Variants in OSBPL6 observed in about 807,000 individuals in gnomAD.
The protein encoded by OSBPL6 is oxysterol-binding protein-related protein 6.
In OSBPL6, 49 loss-of-function variants were observed where a neutral mutation model predicts 125.8. The ratio of observed to expected loss-of-function variants is 0.39; its 90% CI spans 0.31 to 0.49. The LOEUF is 0.49. OSBPL6 is among the 20% of genes least tolerant of loss of function. The pLI, the probability that OSBPL6 is intolerant of heterozygous loss-of-function variation, is 0.88. For synonymous variants in OSBPL6, 394 were observed against 391.8 expected (o/e 1.01, Z -0.07); for missense variants, 986 against 1,135.4 (o/e 0.87, Z 1.89).
intron 1 of OSBPL6, among the ~76,000 whole-genome samples, chr2:178,261,683 A>G (rs2092069063): frequency 1.3e-5 from 2 of 152,272 alleles, no homozygotes; most frequent in Admixed American, 1.3e-4. Flanking sequence ...TGCAGTACAG[A>G]AATGGCTGGA....
intron 1 of OSBPL6, among the ~76,000 whole-genome samples, chr2:178,264,705 A>G (rs1032549044): frequency 6.6e-6 from 1 of 152,188 alleles, no homozygotes; most frequent in African/African-American, 2.4e-5. Context: ...ATTGGGAATC[A>G]TTTGTATAGA....
At chr2:178,380,040 T>C (rs1694316656) in intron 15 of OSBPL6, among the ~76,000 whole-genome samples, 1 of 152,154 alleles carries the variant, frequency 6.6e-6, no homozygotes. Context: ...GACAAAAGAA[T>C]TGGCATAAAC....
intron 1 of OSBPL6, among the ~76,000 whole-genome samples, chr2:178,204,692 A>G (rs1179245169): frequency 6.6e-6 from 1 of 152,226 alleles, no homozygotes; most frequent in Non-Finnish European, 1.5e-5. Context: ...ATATCTGTTG[A>G]AAGTGAGGAG....
chr2:178,342,791 A>G (rs1690329448), intron 11 of OSBPL6, among the ~76,000 whole-genome samples: 1 of 152,170 alleles, frequency 6.6e-6, no homozygotes. Flanking sequence ...CATATGAATT[A>G]AATACTAGAT....
At chr2:178,221,922 T>A (rs979248305) in intron 1 of OSBPL6, among the ~76,000 whole-genome samples, 1 of 152,152 alleles carries the variant, frequency 6.6e-6, no homozygotes. Flanking sequence ...CCCACTGGAG[T>A]AAATCACCAA....
chr2:178,261,765 T>G (rs1207066279), intron 1 of OSBPL6, among the ~76,000 whole-genome samples: 1 of 152,234 alleles, frequency 6.6e-6, no homozygotes, highest in African/African-American at 2.4e-5. Flanking sequence ...AAATGGATAA[T>G]TTTGTATTGA....
chr2:178,382,504 C>G lies in OSBPL6; in HGVS notation c.1618C>G (p.Gln540Glu). 6.2e-7 allele frequency: 1 copy of G among 1,614,086 alleles called. No individual in the cohort carries two copies. Among genetic ancestry groups the G allele is most frequent in the African/African-American group, 1.3e-5 (1 of 75,028 alleles). Residue 540 changes from glutamine to glutamate, a missense_variant, in exon 16 of 25, where the codon CAA (glutamine) becomes GAA (glutamate). Transcript: ENST00000190611. ...CAGTGTTGCAGACAATATTTCTCGGCAAAGTATGCATCATTTGAGCTTCCA... is the reference window on the plus strand; with the variant it reads ...CAGTGTTGCAGACAATATTTCTCGGGAAAGTATGCATCATTTGAGCTTCCA... Reference protein sequence around the residue: ...NTSVADNISRQILNGELTGGA... With the variant: ...NTSVADNISREILNGELTGGA...
intron 2 of OSBPL6, among the ~76,000 whole-genome samples, chr2:178,295,740 A>G (rs1324660526): frequency 6.6e-6 from 1 of 152,054 alleles, no homozygotes; most frequent in Non-Finnish European, 1.5e-5. Flanking sequence ...TTATATAATA[A>G]AAATTGTAAT....
At chr2:178,306,333 A>G (rs1226727498) in intron 3 of OSBPL6, 47 bp downstream of exon 3, 4 of 1,130,450 alleles carry the variant, frequency 3.5e-6, no homozygotes, top group Admixed American at 1.7e-5. Context: ...TGCAAATGCA[A>G]TACCACTGAG....
intron 12 of OSBPL6, among the ~76,000 whole-genome samples, chr2:178,351,208 G>C (rs1691223279): frequency 6.6e-6 from 1 of 152,082 alleles, no homozygotes; most frequent in South Asian, 2.1e-4. Context: ...CACTCCTCCT[G>C]CTTCTGTTCA....
chr2:178,357,798 G>A (rs1029181976), intron 12 of OSBPL6, among the ~76,000 whole-genome samples: 8 of 152,042 alleles, frequency 5.3e-5, no homozygotes, highest in East Asian at 1.9e-4. Flanking sequence ...TGTTTATTGC[G>A]GCACTATTCA....
At chr2:178,262,778 T>C (rs113096047) in intron 1 of OSBPL6, among the ~76,000 whole-genome samples, 14 of 152,332 alleles carry the variant, frequency 9.2e-5, no homozygotes, top group African/African-American at 3.4e-4. Context: ...TAGGCAACTA[T>C]ATTCATCATC....
intron 1 of OSBPL6, among the ~76,000 whole-genome samples, chr2:178,212,474 G>A (rs2089906594): frequency 1.3e-5 from 2 of 152,166 alleles, no homozygotes; most frequent in Admixed American, 1.3e-4. Flanking sequence ...TGTGTTCTGA[G>A]GTGAGCCTTA....
intron 22 of OSBPL6, among the ~76,000 whole-genome samples, 156 bp downstream of exon 22, chr2:178,391,373 T>C (rs1458657398): frequency 6.6e-6 from 1 of 152,228 alleles, no homozygotes; most frequent in Non-Finnish European, 1.5e-5. Context: ...CATTCATACT[T>C]AACATAGAAG....
chr2:178,221,237 T>A (rs1334213252), intron 1 of OSBPL6, among the ~76,000 whole-genome samples: 1 of 152,210 alleles, frequency 6.6e-6, no homozygotes, highest in Non-Finnish European at 1.5e-5. Context: ...GAAAAGAAGA[T>A]AAATAAATAT....
At chr2:178,355,278 A>C (rs1244465227) in intron 12 of OSBPL6, among the ~76,000 whole-genome samples, 1 of 152,192 alleles carries the variant, frequency 6.6e-6, no homozygotes, top group Non-Finnish European at 1.5e-5. Context: ...AAAACCCTTC[A>C]AAAAATTAAT....
chr2:178,385,464 C>T lies in OSBPL6; in HGVS notation c.2020C>T (p.His674Tyr). The change falls in exon 19 of 25, where the codon CAT becomes TAT. Residue 674 changes from histidine (H) to tyrosine (Y), a missense_variant. This residue lies in a region of OSBPL6 where 843 missense variants were observed against 997.3 expected (regional missense o/e 0.85). Transcript: ENST00000190611. Reference protein sequence around the residue: ...GFRFFSEQVSHHPPISACHCE... With the variant: ...GFRFFSEQVSYHPPISACHCE... ...TTTTGTTTTTAATTACCAGGTTAGC[C>T]ATCATCCACCCATTTCTGCCTGTCA... 1 of 1,610,240 alleles carries T rather than the reference C, an allele frequency of 6.2e-7. No homozygotes were observed.
In OSBPL6 at chr2:178,374,053, G is replaced by A. The variant is rs761442626; in HGVS notation, c.1533+26G>A. 1.4e-5 allele frequency: 22 copies of A among 1,607,654 alleles called. No homozygotes were observed. The South Asian group carries it at 1.8e-4, about 13-fold the overall frequency. On this transcript the variant is annotated intron_variant, in intron 15 of 24. Transcript: ENST00000190611. ...GTATGTATGCCTCCTTGACTTGTTG[G>A]CCTCAACATCTTGTGACTGAGTTTG...
chr2:178,257,162 T>C (rs334013), intron 1 of OSBPL6, among the ~76,000 whole-genome samples: 99,141 of 152,074 alleles, frequency 0.65, 34,335 homozygotes, highest in African/African-American at 0.9. Context: ...AACTCATGAA[T>C]ATTATTTTGG....
Sources: allele counts gnomAD v4.1 joint callset (sites outside exome capture counted in the v4.1 genomes callset), GRCh38; gene constraint gnomAD v4.1.1; regional missense constraint gnomAD v4.1.1; transcripts MANE v1.5; gene names NCBI Gene and HGNC (gene_info 2026-07-23, HGNC 2026-07-21).